LILRA4: variants seen among roughly 807,000 people sequenced by gnomAD.
LILRA4 encodes leukocyte immunoglobulin-like receptor subfamily A member 4.
Under a neutral mutation model 49.5 loss-of-function variants are expected in LILRA4, and 51 were observed. That is an observed-to-expected ratio of 1.03 (90% CI 0.82 to 1.30). The LOEUF (loss-of-function observed/expected upper bound fraction) is 1.30. LILRA4 is among the 50% of genes most tolerant of loss of function. LILRA4 has a pLI of 0.00. For missense variants in LILRA4, 624 were observed against 625.6 expected (o/e 1.00, Z 0.03); for synonymous variants, 272 against 265.6 (o/e 1.02, Z -0.23).
intron 6 of LILRA4, 79 bp from the exon 7 acceptor site, chr19:54,334,044 C>T: frequency 4.3e-6 from 5 of 1,166,928 alleles, no homozygotes; most frequent in Non-Finnish European, 6.4e-6. Context: ...TATTCCTCCA[C>T]CTCTCATGGT....
chr19:54,336,863 C>T lies in LILRA4; in HGVS notation c.1233G>A (p.Glu411=). The T allele has an allele frequency of 2.0e-6, 3 of 1,476,366 alleles. No homozygotes were observed. The South Asian group carries it at 3.6e-5, about 18-fold the overall frequency. The allele number at this position is 1,476,366 out of a possible 1,614,324, so 91.5% of individuals were successfully genotyped here. A position where few individuals can be genotyped will look rare whatever the true frequency, so the allele number is the denominator to read the frequency against. The change falls in exon 6 of 8, where the codon GAG becomes GAA. Residue 411 remains glutamate (E), a synonymous_variant. Transcript: ENST00000291759. ...SNPYLLSHPS[E]PLELVVSGAT... ...CACCTGAGACCACGAGCTCCAGGGG[C>T]TCACTGGGGTGAGACAGCAGGTAGG...
At position 54,333,568 on chromosome 19, in the gene LILRA4, A is replaced by C. The variant is rs1238574441; in HGVS notation, c.*4T>G. On this transcript the variant is annotated 3_prime_UTR_variant, in exon 8 of 8. Coordinates refer to ENST00000291759, the MANE Select transcript of LILRA4 (RefSeq NM_012276.5). ...CCCCAGTCTTCCAGAACCTCCTCAG[A>C]TCATCAGATCTGTTCCCAAGGCTCC... The C allele has an allele frequency of 6.2e-7, 1 of 1,613,502 alleles. No homozygotes were observed. The highest frequency in any genetic ancestry group is 1.7e-5 in the Admixed American group (1 of 59,838).
Position 54,337,229 on chromosome 19 carries a change from GTC to G in LILRA4, c.953-88_953-87del, listed in dbSNP as rs569409379. 7 of 1,482,604 alleles carry G rather than the reference GTC, an allele frequency of 4.7e-6. No individual in the cohort carries two copies. In the African/African-American group the frequency reaches 7.2e-5, roughly 15 times the overall value. 91.8% of individuals were successfully genotyped at this position (1,482,604 alleles called of 1,614,324 possible). A position where few individuals can be genotyped will look rare whatever the true frequency, so the allele number is the denominator to read the frequency against. On this transcript the variant is annotated intron_variant, in intron 5 of 7. Coordinates refer to ENST00000291759, the MANE Select transcript of LILRA4 (RefSeq NM_012276.5). ...ACCAGTCCTCTCCCTGGGACCCTCAGTCTGTCCCTGTTTTCTCTGAGTCTCCC... is the reference window on the plus strand; with the variant it reads ...ACCAGTCCTCTCCCTGGGACCCTCAGTGTCCCTGTTTTCTCTGAGTCTCCC...
chr19:54,338,242 A>G lies in LILRA4; in HGVS notation c.356-7T>C, dbSNP rs1288659249. On this transcript the variant is annotated splice_polypyrimidine_tract_variant and splice_region_variant and intron_variant, in intron 3 of 7. Transcript: ENST00000291759. ...AGGGTGGGTCTGCTGTAGGCTTTCAAGAGAAAAAAAGGCAGCCGTGTTTAA... is the reference window on the plus strand; with the variant it reads ...AGGGTGGGTCTGCTGTAGGCTTTCAGGAGAAAAAAAGGCAGCCGTGTTTAA... The G allele has an allele frequency of 1.2e-6, 2 of 1,601,848 alleles. No individual in the cohort carries two copies. The highest frequency in any genetic ancestry group is 1.7e-6 in the Non-Finnish European group (2 of 1,172,966).
In LILRA4 at chr19:54,338,685, A is replaced by G. The variant is rs764641117; in HGVS notation, c.71-5T>C. On this transcript the variant is annotated splice_region_variant and splice_polypyrimidine_tract_variant and intron_variant, in intron 2 of 7. Transcript: ENST00000291759. ...GGATGGGTTTGAGTAGGTTTTCTGG[A>G]AGGAAATTACAGGTTAGGTCCCAAG... The G allele has an allele frequency of 1.2e-5, 19 of 1,604,466 alleles. No homozygotes were observed. Among genetic ancestry groups the G allele is most frequent in the African/African-American group, 1.3e-5 (1 of 74,480 alleles).
At chr19:54,334,810 C>CAA (rs56226854) in intron 6 of LILRA4, 39,726 of 137,946 alleles carry the variant, frequency 0.29, 5,699 homozygotes, top group Middle Eastern at 0.4. Context: ...ACTAAAAATA[C>CAA]AAAAAAAAAA....
At chr19:54,338,328 G>C in intron 3 of LILRA4, 68 bp downstream of exon 3, 1 of 1,602,158 alleles carries the variant, frequency 6.2e-7, no homozygotes, top group Non-Finnish European at 8.5e-7. Context: ...GAGACCCCTC[G>C]AGAGCTGAGA....
rs2081290616 is a variant in LILRA4, at chr19:54,333,381, A to G, written c.*191T>C. ...AGGGGTGAAGCCTTACATCATAGGG[A>G]AGAAAAACGAAGGAAGGGGCAGTCA... On this transcript the variant is annotated 3_prime_UTR_variant, in exon 8 of 8. Transcript: ENST00000291759. 3 of 632,290 alleles carry G rather than the reference A, an allele frequency of 4.7e-6. No individual in the cohort carries two copies. Among genetic ancestry groups the G allele is most frequent in the Non-Finnish European group, 8.2e-6 (3 of 367,640 alleles). The allele number at this position is 632,290 out of a possible 1,614,324, so 39.2% of individuals were successfully genotyped here.
chr19:54,338,100 C>T lies in LILRA4; in HGVS notation c.491G>A (p.Trp164Ter), dbSNP rs1311543324. ...GTTGTGTTGGTGTGAGTTCAGGGTC[C>T]AGGAGAGCCTGTGGTCTCCTTCCTC... ...LIEEGDHRLS[W>*]TLNSHQHNHG... The change falls in exon 4 of 8, where the codon TGG becomes TAG. Residue 164 changes from tryptophan to a stop codon, truncating the protein, a stop_gained. Coordinates refer to ENST00000291759, the MANE Select transcript of LILRA4 (RefSeq NM_012276.5). LOFTEE classifies it high-confidence loss of function. 6.2e-7 allele frequency: 1 copy of T among 1,614,076 alleles called. No individual in the cohort carries two copies. Among genetic ancestry groups the T allele is most frequent in the Non-Finnish European group, 8.5e-7 (1 of 1,179,982 alleles).
In LILRA4 at chr19:54,337,507, A is replaced by G; in HGVS notation, c.845T>C (p.Leu282Pro). The change falls in exon 5 of 8, where the codon CTG becomes CCG. Residue 282 changes from leucine (L) to proline (P), a missense_variant. By Grantham distance (98) the Leu-to-Pro change is moderately conservative. Transcript: ENST00000291759. ...QAGLSQANFT[L>P]SPVSRSYGGQ... The stretch of plus-strand genomic sequence containing the variant: ...CCCGTAGGAGCGGCTCACAGGGCTC[A>G]GGGTGAAGTTGGCCTGGGAGAGCCC... 1 of 1,612,758 alleles carries G rather than the reference A, an allele frequency of 6.2e-7. No individual in the cohort carries two copies.
chr19:54,337,111 G>A lies in LILRA4; in HGVS notation c.985C>T (p.Gln329Ter), dbSNP rs779691454. The A allele has an allele frequency of 6.2e-7, 1 of 1,613,882 alleles. No homozygotes were observed. ...QISDRPSLSV[Q>*]PGPTVTSGEK... ...CCTGAGGTCACCGTGGGGCCCGGCTGCACTGAGAGGGAGGGTCTGTCAGAG... is the reference window on the plus strand; with the variant it reads ...CCTGAGGTCACCGTGGGGCCCGGCTACACTGAGAGGGAGGGTCTGTCAGAG... The change falls in exon 6 of 8, where the codon CAG becomes TAG. Residue 329 changes from glutamine (Q) to a stop codon, truncating the protein, a stop_gained. Transcript: ENST00000291759. LOFTEE classifies it high-confidence loss of function.
Position 54,336,867 on chromosome 19 carries a change from C to T in LILRA4, c.1229G>A (p.Ser410Asn). 1 of 1,614,228 alleles carries T rather than the reference C, an allele frequency of 6.2e-7. No individual in the cohort carries two copies. Among genetic ancestry groups the T allele is most frequent in the Non-Finnish European group, 8.5e-7 (1 of 1,180,046 alleles). The change falls in exon 6 of 8, where the codon AGT becomes AAT. Residue 410 changes from serine to asparagine, a missense_variant. Ser to Asn is a conservative substitution (Grantham distance 46, BLOSUM62 1). Transcript: ENST00000291759. ...TGAGACCACGAGCTCCAGGGGCTCACTGGGGTGAGACAGCAGGTAGGGGTT... is the reference window on the plus strand; with the variant it reads ...TGAGACCACGAGCTCCAGGGGCTCATTGGGGTGAGACAGCAGGTAGGGGTT... Reference protein sequence around the residue: ...SSNPYLLSHPSEPLELVVSGA... With the variant: ...SSNPYLLSHPNEPLELVVSGA...
Position 54,333,621 on chromosome 19 carries a change from C to A in LILRA4, c.1451G>T (p.Arg484Ile). Residue 484 changes from arginine to isoleucine, a missense_variant, in exon 8 of 8, where the codon AGA becomes ATA. Arg to Ile is a moderately conservative substitution (Grantham distance 97). Transcript: ENST00000291759. ...CACTCTGAAGGGTGCATTGTCCTTT[C>A]TGCTGTTTGCCTCCTGGCTGCACCT... ...PPRCSQEANS[R>I]KDNAPFRVVE... is the part of the protein sequence containing the mutation. 1 of 1,614,190 alleles carries A rather than the reference C, an allele frequency of 6.2e-7. No homozygotes were observed.
intron 6 of LILRA4, 80 bp downstream of exon 6, chr19:54,336,761 C>T (rs62132194): frequency 0.13 from 197,110 of 1,556,056 alleles, 13,062 homozygotes; most frequent in African/African-American, 0.16. Context: ...GACAGACAGA[C>T]GGACACTCTC....
chr19:54,333,700 G>C lies in LILRA4; in HGVS notation c.1372C>G (p.Leu458Val), dbSNP rs774428829. ...TCAAATAACAGAATCCCGAGGAACA[G>C]CAGGACCAAGCCAGCCACACCCATG... ...IRMGVAGLVL[L>V]FLGILLFEAQ... Residue 458 changes from leucine to valine, a missense_variant, in exon 8 of 8, where the codon CTG becomes GTG. Leu to Val is a conservative substitution (Grantham distance 32). Transcript: ENST00000291759. 67 of 1,614,020 alleles carry C rather than the reference G, an allele frequency of 4.2e-5. No homozygotes were observed. The highest frequency in any genetic ancestry group is 1.6e-4 in the Middle Eastern group (1 of 6,084).
At position 54,338,037 on chromosome 19, in the gene LILRA4, AG is replaced by A. The variant is rs1468674952; in HGVS notation, c.553del (p.Leu185Ter). The A allele has an allele frequency of 5.0e-6, 8 of 1,614,004 alleles. No homozygotes were observed. In the East Asian group the frequency reaches 1.6e-4, roughly 31 times the overall value. On this transcript the variant is annotated frameshift_variant, in exon 4 of 8. Coordinates refer to ENST00000291759, the MANE Select transcript of LILRA4 (RefSeq NM_012276.5). LOFTEE classifies it high-confidence loss of function. ...KFQALFPMGP[L>X]TFSNRGTFRC... is the part of the protein sequence containing the mutation. ...GAATGTACCCCTGTTGCTGAAGGTC[AG>A]GGGGCCCATGGGGAACAGGGCCTGG...
Sources: allele counts gnomAD v4.1 joint callset, GRCh38; gene constraint gnomAD v4.1.1; transcripts MANE v1.5; gene names NCBI Gene and HGNC (gene_info 2026-07-23, HGNC 2026-07-21).